The following RARB variants were observed in gnomAD, a reference collection of about 807,000 sequenced individuals.
The protein encoded by RARB is retinoic acid receptor beta, also known as HBV-activated protein.
RARB carries 17 observed loss-of-function variants against 51.9 expected under a neutral mutation model. The ratio of observed to expected loss-of-function variants is 0.33; its 90% confidence interval spans 0.22 to 0.49. The LOEUF is 0.49. Among genes scored for constraint, RARB ranks in the 20% least tolerant of loss-of-function variants. The pLI, the probability that RARB is intolerant of heterozygous loss-of-function variation, is 0.99. For missense variants in RARB, 369 were observed against 550.8 expected, an observed-to-expected ratio of 0.67 and a Z score of 3.30; for synonymous variants, 215 against 195.4, an observed-to-expected ratio of 1.10 and a Z score of -0.84.
intron 5 of RARB, among the ~76,000 whole-genome samples, chr3:25,293,588 TACTCC>T (rs1703840424): frequency 2.6e-5 from 1 of 37,820 alleles, no homozygotes; most frequent in Non-Finnish European, 8.4e-5. Context: ...AGGCTAGAGT[TACTCC>T]ATTTAAAAAA....
intron 5 of RARB, among the ~76,000 whole-genome samples, chr3:25,262,256 G>A (rs184064172): frequency 3.5e-4 from 53 of 152,190 alleles, no homozygotes; most frequent in Admixed American, 9.2e-4. Context: ...TACACGTAAT[G>A]ACTATTCTCC....
chr3:24,877,340 A>G (rs1703065268), intron 2 of RARB, among the ~76,000 whole-genome samples: 1 of 30,108 alleles, frequency 3.3e-5, no homozygotes, highest in South Asian at 1.4e-3. Context: ...TTTTAAAGCA[A>G]TCTTACTTTT....
chr3:25,482,667 G>A (rs1696287207), intron 2 of RARB, among the ~76,000 whole-genome samples: 1 of 150,896 alleles, frequency 6.6e-6, no homozygotes, highest in Non-Finnish European at 1.5e-5. Flanking sequence ...AGCCTCCCGA[G>A]TAGCTGGGAC....
chr3:25,206,601 G>C lies in RARB; in HGVS notation c.178+32026G>C, dbSNP rs140023450. ...GATCATTTATCTTTCTAAGCTTCCC[G>C]TGTGCTTGAGAAACCCCTTAAAGAC... On this transcript the variant is annotated intron_variant, in intron 5 of 11. Transcript: ENST00000383772. Among the ~76,000 whole-genome samples, 4 of 151,990 alleles carry C rather than the reference G, an allele frequency of 2.6e-5. No individual in the cohort carries two copies. In the East Asian group the frequency reaches 5.8e-4, roughly 22 times the overall value.
rs764777968 is a variant in RARB at position 25,501,247 on chromosome 3, T to C, written c.372T>C (p.Val124=). 10 of 1,611,840 alleles carry C rather than the reference T, an allele frequency of 6.2e-6. No homozygotes were observed. In the South Asian group the frequency reaches 9.9e-5, roughly 16 times the overall value. Residue 124 remains valine (V), a synonymous_variant, in exon 3 of 8, where the codon GTT becomes GTC. Transcript: ENST00000330688. The part of the protein sequence containing the change: ...IYTCHRDKNC[V]INKVTRNRCQ... ...CTTGTCACCGAGATAAGAACTGTGTTATTAATAAAGTCACCAGGAATCGAT... is the reference window on the plus strand; with the variant it reads ...CTTGTCACCGAGATAAGAACTGTGTCATTAATAAAGTCACCAGGAATCGAT...
At chr3:24,882,498 T>C (rs1179085559) in intron 2 of RARB, among the ~76,000 whole-genome samples, 1 of 152,206 alleles carries the variant, frequency 6.6e-6, no homozygotes, top group Non-Finnish European at 1.5e-5. Context: ...AACTTGATAA[T>C]CTGCAGAAGC....
chr3:25,337,472 T>A (rs922481227), intron 5 of RARB, among the ~76,000 whole-genome samples: 3 of 152,202 alleles, frequency 2.0e-5, no homozygotes, highest in African/African-American at 7.2e-5. Flanking sequence ...TTAGCCTCAC[T>A]TTCTACATTT....
At chr3:25,232,973 CTTTTTT>C (rs71061205) in intron 5 of RARB, among the ~76,000 whole-genome samples, 1 of 118,770 alleles carries the variant, frequency 8.4e-6, no homozygotes, top group African/African-American at 3.2e-5. Flanking sequence ...TTTTCTTTTT[CTTTTTT>C]TTTTTTTTTT....
intron 1 of RARB, among the ~76,000 whole-genome samples, chr3:24,831,232 G>A (rs754826013): frequency 6.6e-6 from 1 of 152,136 alleles, no homozygotes; most frequent in Non-Finnish European, 1.5e-5. Context: ...AAAATAGCCA[G>A]ACAAAAATAA....
chr3:25,332,782 A>G (rs549246170), intron 5 of RARB, among the ~76,000 whole-genome samples: 61 of 152,290 alleles, frequency 4.0e-4, no homozygotes, highest in Non-Finnish European at 6.6e-4. Context: ...AAACCCCATC[A>G]TCTCAGCCCA....
chr3:25,108,347 C>G (rs534401491), intron 3 of RARB, among the ~76,000 whole-genome samples: 1 of 152,040 alleles, frequency 6.6e-6, no homozygotes, highest in Non-Finnish European at 1.5e-5. Flanking sequence ...ACAGAAGAGT[C>G]CAGGTTAGGG....
chr3:25,384,351 T>A (rs1706730826), intron 5 of RARB, among the ~76,000 whole-genome samples: 1 of 152,228 alleles, frequency 6.6e-6, no homozygotes, highest in Non-Finnish European at 1.5e-5. Flanking sequence ...TTTATTGTTG[T>A]TATTTCCTAT....
At chr3:25,236,371 C>G (rs1020548425) in intron 5 of RARB, among the ~76,000 whole-genome samples, 7 of 152,138 alleles carry the variant, frequency 4.6e-5, no homozygotes, top group Non-Finnish European at 1.0e-4. Context: ...CTCAGAATAG[C>G]AGATGATTAA....
At chr3:25,369,437 G>A (rs1307355093) in intron 5 of RARB, among the ~76,000 whole-genome samples, 1 of 152,192 alleles carries the variant, frequency 6.6e-6, no homozygotes, top group African/African-American at 2.4e-5. Flanking sequence ...CTGATCCTCA[G>A]AGCAGCTAGA....
At chr3:25,409,336 T>G (rs532744534) in intron 5 of RARB, among the ~76,000 whole-genome samples, 3 of 152,310 alleles carry the variant, frequency 2.0e-5, no homozygotes, top group African/African-American at 7.2e-5. Flanking sequence ...TCTGCAAACC[T>G]TCTCCTCCTC....
At chr3:25,047,351 C>T (rs530984877) in intron 2 of RARB, among the ~76,000 whole-genome samples, 21 of 152,000 alleles carry the variant, frequency 1.4e-4, no homozygotes, top group African/African-American at 3.1e-4. Context: ...CTTTTGGAAG[C>T]GTTCCAGCCC....
chr3:25,182,719 T>C (rs1692262378), intron 5 of RARB, among the ~76,000 whole-genome samples: 1 of 152,092 alleles, frequency 6.6e-6, no homozygotes, highest in Non-Finnish European at 1.5e-5. Flanking sequence ...ACCAGAAAAA[T>C]TGTAAAATTA....
intron 2 of RARB, among the ~76,000 whole-genome samples, chr3:24,867,526 G>A (rs1316553857): frequency 6.6e-6 from 1 of 152,144 alleles, no homozygotes; most frequent in African/African-American, 2.4e-5. Flanking sequence ...TGTTCATATA[G>A]TTGTCTCAGA....
chr3:25,574,680 T>G (rs1700852129), intron 4 of RARB, among the ~76,000 whole-genome samples: 1 of 152,232 alleles, frequency 6.6e-6, no homozygotes, highest in African/African-American at 2.4e-5. Context: ...TATGAAGATT[T>G]AAGAAGCCCT....
Sources: allele counts gnomAD v4.1 joint callset (sites outside exome capture counted in the v4.1 genomes callset), GRCh38; gene constraint gnomAD v4.1.1; transcripts MANE v1.5; gene names NCBI Gene and HGNC (gene_info 2026-07-23, HGNC 2026-07-21).